Variants in KRT32 observed in about 807,000 individuals in gnomAD.
KRT32 encodes the protein keratin 32.
KRT32 carries 44 observed loss-of-function variants against 41.8 expected under a neutral mutation model. That is an observed-to-expected ratio of 1.05 (90% CI 0.83 to 1.35). The LOEUF is 1.35. KRT32 is among the 40% of genes most tolerant of loss of function. The pLI is 0.00. For synonymous variants in KRT32, 238 were observed against 242.5 expected, an observed-to-expected ratio of 0.98 and a Z score of 0.17; for missense variants, 576 against 584.6, an observed-to-expected ratio of 0.99 and a Z score of 0.15.
chr17:41,460,699 A>AGAGGTGAGGGGAGCAGG (rs1314024020), intron 6 of KRT32, among the ~76,000 whole-genome samples: 1 of 152,132 alleles, frequency 6.6e-6, no homozygotes. Flanking sequence ...GGGCCTGTCG[A>AGAGGTGAGGGGAGCAGG]GAGGTGAGGG....
rs79177667 is a variant in KRT32, at chr17:41,464,246, A to T, written c.870+36T>A. 2.5e-4 allele frequency: 396 copies of T among 1,586,792 alleles called. 5 individuals are homozygous for T. The African/African-American group carries it at 4.1e-3, about 17-fold the overall frequency. On this transcript the variant is annotated intron_variant, in intron 4 of 6. Coordinates refer to ENST00000225899, the MANE Select transcript of KRT32 (RefSeq NM_002278.3). ...AGAAGGCTAGAGTCCCTTCCTAGGG[A>T]TATGGAGGAGGCCATCCCCACCGTG...
intron 3 of KRT32, among the ~76,000 whole-genome samples, chr17:41,465,097 C>T (rs996746276): frequency 1.3e-5 from 2 of 152,248 alleles, no homozygotes; most frequent in East Asian, 1.9e-4. Flanking sequence ...GGGGGAAAAA[C>T]ACCATGGCTC....
chr17:41,462,811 C>T lies in KRT32; in HGVS notation c.1217+19G>A. On this transcript the variant is annotated intron_variant, in intron 6 of 6. Coordinates refer to ENST00000225899, the MANE Select transcript of KRT32 (RefSeq NM_002278.3). ...AATCCCTGCCCACGTCTCTCTAAGCCTCAGCTGGGCCTGCGTACTTGCAGT... is the reference window on the plus strand; with the variant it reads ...AATCCCTGCCCACGTCTCTCTAAGCTTCAGCTGGGCCTGCGTACTTGCAGT... The T allele has an allele frequency of 6.2e-7, 1 of 1,612,362 alleles. No individual in the cohort carries two copies. The highest frequency in any genetic ancestry group is 8.5e-7 in the Non-Finnish European group (1 of 1,179,564).
In KRT32 at chr17:41,464,277, C is replaced by T; in HGVS notation, c.870+5G>A. 6.3e-7 allele frequency: 1 copy of T among 1,591,314 alleles called. No homozygotes were observed. The highest frequency in any genetic ancestry group is 8.6e-7 in the Non-Finnish European group (1 of 1,168,212). ...AGGAGGCCATCCCCACCGTGAGAGG[C>T]CCACCTGCATATTGAACCATTCCTC... On this transcript the variant is annotated splice_donor_5th_base_variant and intron_variant, in intron 4 of 6. Transcript: ENST00000225899.
Position 41,464,293 on chromosome 17 carries a change from A to T in KRT32, c.859T>A (p.Phe287Ile), listed in dbSNP as rs2144450412. 6.2e-7 allele frequency: 1 copy of T among 1,601,030 alleles called. No homozygotes were observed. The highest frequency in any genetic ancestry group is 1.7e-5 in the Admixed American group (1 of 58,336). Residue 287 changes from phenylalanine to isoleucine, a missense_variant, in exon 4 of 7, where the codon TTC becomes ATC. Coordinates refer to ENST00000225899, the MANE Select transcript of KRT32 (RefSeq NM_002278.3). ...EANRRDVEEW[F>I]NMQMEELNQQ... is the part of the protein sequence containing the mutation. ...CGTGAGAGGCCCACCTGCATATTGA[A>T]CCATTCCTCCACGTCCCTGCGGTTG...
intron 6 of KRT32, among the ~76,000 whole-genome samples, chr17:41,460,933 C>G (rs2018996474): frequency 6.6e-6 from 1 of 152,118 alleles, no homozygotes; most frequent in South Asian, 2.1e-4. Context: ...ACCTCTTGCC[C>G]CAGCCTCACC....
rs1261400979 is a variant in KRT32 at position 41,461,392 on chromosome 17, A to C, written c.1218-1153T>G. ...CAGAGACTGACAGGCATGCACTCAAAACCAGGAACAACACACTGGATGCTG... is the reference window on the plus strand; with the variant it reads ...CAGAGACTGACAGGCATGCACTCAACACCAGGAACAACACACTGGATGCTG... On this transcript the variant is annotated intron_variant, in intron 6 of 6. Transcript: ENST00000225899. 2.0e-5 allele frequency among the ~76,000 whole-genome samples: 3 copies of C among 152,222 alleles called. No individual in the cohort carries two copies. In the East Asian group the frequency reaches 5.8e-4, roughly 29 times the overall value.
rs183861071 is a variant in KRT32, at chr17:41,463,619, C to T, written c.996+459G>A. 4.6e-5 allele frequency among the ~76,000 whole-genome samples: 7 copies of T among 152,132 alleles called. No homozygotes were observed. The East Asian group carries it at 1.2e-3, about 25-fold the overall frequency. On this transcript the variant is annotated intron_variant, in intron 5 of 6. Coordinates refer to ENST00000225899, the MANE Select transcript of KRT32 (RefSeq NM_002278.3). The stretch of plus-strand genomic sequence containing the variant: ...ACTTGGGAGGCTGAGGCAGGAAAAT[C>T]ACTTGAACCCAGCGGGGGCAGAGGT...
At position 41,462,904 on chromosome 17, in the gene KRT32, C is replaced by A; in HGVS notation, c.1143G>T (p.Val381=). 1 of 1,614,066 alleles carries A rather than the reference C, an allele frequency of 6.2e-7. No homozygotes were observed. The highest frequency in any genetic ancestry group is 8.5e-7 in the Non-Finnish European group (1 of 1,179,986). ...CCAGCCGGGCCCGGACGTCCAGCAG[C>A]ACCTGGTACTCCTGGTTCTGCCGCT... The part of the protein sequence containing the change: ...DLERQNQEYQ[V]LLDVRARLEG... Residue 381 remains valine, a synonymous_variant, in exon 6 of 7, where the codon GTG becomes GTT. Coordinates refer to ENST00000225899, the MANE Select transcript of KRT32 (RefSeq NM_002278.3).
At chr17:41,461,378 A>C (rs1350932443) in intron 6 of KRT32, among the ~76,000 whole-genome samples, 1 of 152,256 alleles carries the variant, frequency 6.6e-6, no homozygotes. Context: ...AGAGACTGAC[A>C]GGCATGCACT....
At chr17:41,466,385 C>T (rs991661478) in intron 1 of KRT32, among the ~76,000 whole-genome samples, 2 of 152,180 alleles carry the variant, frequency 1.3e-5, no homozygotes, top group Non-Finnish European at 2.9e-5. Flanking sequence ...CCTGAAGCTT[C>T]GTAAATTCAA....
intron 6 of KRT32, among the ~76,000 whole-genome samples, chr17:41,462,149 C>G (rs115497589): frequency 0.011 from 1,686 of 152,290 alleles, 34 homozygotes; most frequent in African/African-American, 0.039. Context: ...AATGTCTCTG[C>G]ATTCTAGATG....
At position 41,459,632 on chromosome 17, in the gene KRT32, T is replaced by C. The variant is rs2144443838; in HGVS notation, c.*478A>G. Reference sequence around the variant, plus strand: ...TTTTATTACTTGGCTCTAGAGTAATTGATTAGTTTTAACTGGTTTATGGCA... The same window carrying C: ...TTTTATTACTTGGCTCTAGAGTAATCGATTAGTTTTAACTGGTTTATGGCA... On this transcript the variant is annotated 3_prime_UTR_variant, in exon 7 of 7. Transcript: ENST00000225899. Among the ~76,000 whole-genome samples the C allele has an allele frequency of 6.6e-6, 1 of 152,192 alleles. No individual in the cohort carries two copies. Among genetic ancestry groups the C allele is most frequent in the East Asian group, 1.9e-4 (1 of 5,198 alleles).
rs370354142 is a variant in KRT32 at position 41,466,961 on chromosome 17, G to A, written c.365C>T (p.Ala122Val). 25 of 1,614,058 alleles carry A rather than the reference G, an allele frequency of 1.5e-5. No individual in the cohort carries two copies. Among genetic ancestry groups the A allele is most frequent in the Middle Eastern group, 1.6e-4 (1 of 6,082 alleles). The change falls in exon 1 of 7, where the codon GCG becomes GTG. Residue 122 changes from alanine to valine, a missense_variant. Physicochemically the swap from Ala to Val is moderately conservative, Grantham distance 64. Coordinates refer to ENST00000225899, the MANE Select transcript of KRT32 (RefSeq NM_002278.3). The part of the protein sequence containing the change: ...TRVRQLEQEN[A>V]ELESRIQEAS... ...CTCTTGGATCCTGCTCTCCAGCTCC[G>A]CATTCTCCTGCTCCAGCTGCCGCAC...
rs2018979712 is a variant in KRT32 at position 41,459,663 on chromosome 17, G to A, written c.*447C>T. 1.3e-5 allele frequency: 2 copies of A among 154,204 alleles called. No homozygotes were observed. Among genetic ancestry groups the A allele is most frequent in the Admixed American group, 6.3e-5 (1 of 15,770 alleles). 9.6% of individuals were successfully genotyped at this position (154,204 alleles called of 1,614,324 possible). Reference sequence around the variant, plus strand: ...GTTTTAACTGGTTTATGGCATGCGGGCCCTTTTAGTGAACACCTCTCAAGC... The same window carrying A: ...GTTTTAACTGGTTTATGGCATGCGGACCCTTTTAGTGAACACCTCTCAAGC... On this transcript the variant is annotated 3_prime_UTR_variant, in exon 7 of 7. Coordinates refer to ENST00000225899, the MANE Select transcript of KRT32 (RefSeq NM_002278.3).
intron 6 of KRT32, among the ~76,000 whole-genome samples, chr17:41,460,666 A>G (rs1044743666): frequency 6.6e-6 from 1 of 152,150 alleles, no homozygotes; most frequent in African/African-American, 2.4e-5. Context: ...ACATGGACAC[A>G]GGGAGGGGAA....
chr17:41,461,237 C>T (rs1398003326), intron 6 of KRT32, among the ~76,000 whole-genome samples: 3 of 152,200 alleles, frequency 2.0e-5, no homozygotes, highest in Non-Finnish European at 4.4e-5. Context: ...AGCAGTGAGG[C>T]CAGCAGCCAC....
chr17:41,464,253 G>A, intron 4 of KRT32, 29 bp downstream of exon 4: 1 of 1,585,680 alleles, frequency 6.3e-7, no homozygotes, highest in Non-Finnish European at 8.6e-7. Context: ...GGGATATGGA[G>A]GAGGCCATCC....
chr17:41,463,562 G>A (rs2019030232), intron 5 of KRT32, among the ~76,000 whole-genome samples: 1 of 152,148 alleles, frequency 6.6e-6, no homozygotes, highest in Non-Finnish European at 1.5e-5. Context: ...AACATTAGCA[G>A]GGCATAGTGG....
Sources: gnomAD v4.1 joint callset for allele counts (sites outside exome capture counted in the v4.1 genomes callset) on GRCh38, gnomAD v4.1.1 for gene constraint, MANE v1.5 for transcripts, NCBI Gene and HGNC (gene_info 2026-07-23, HGNC 2026-07-21) for gene names.